Variants in TTC34 observed in about 807,000 individuals in gnomAD.
TTC34 encodes the protein tetratricopeptide repeat domain 34.
Under a neutral mutation model 40.7 loss-of-function variants are expected in TTC34, and 44 were observed. That is an observed-to-expected ratio of 1.08 (90% CI 0.85 to 1.39). The LOEUF (loss-of-function observed/expected upper bound fraction) is 1.39, where lower values mean the gene tolerates loss of function less well. TTC34 is among the 40% of genes most tolerant of loss of function. TTC34 has a pLI of 0.00. For missense variants in TTC34, 884 were observed against 838.0 expected (o/e 1.05, Z -0.68); for synonymous variants, 422 against 398.6 (o/e 1.06, Z -0.70).
At position 2,760,483 on chromosome 1, in the gene TTC34, A is replaced by T. The variant is rs1477731618; in HGVS notation, c.2226+23126T>A. On this transcript the variant is annotated intron_variant, in intron 6 of 8. Transcript: ENST00000401095. ...TCTGACAGCCTGGAACACCACCCAC[A>T]TCCGCAGGTGAGCATCTGACAGCCT... is the stretch of plus-strand genomic sequence containing the variant. Among the ~76,000 whole-genome samples the T allele has an allele frequency of 9.5e-5, 5 of 52,832 alleles. 2 individuals carry two copies. The highest frequency in any genetic ancestry group is 1.5e-4 in the Non-Finnish European group (5 of 34,144). The allele number at this position is 52,832 out of a possible 152,430, so 34.7% of individuals were successfully genotyped here. A position where few individuals can be genotyped will look rare whatever the true frequency, so the allele number is the denominator to read the frequency against.
chr1:2,784,568 G>A (rs1347614293), intron 5 of TTC34, among the ~76,000 whole-genome samples: 1 of 152,240 alleles, frequency 6.6e-6, no homozygotes, highest in East Asian at 1.9e-4. Context: ...AGACACTGGT[G>A]TTACCACTTG....
At chr1:2,677,650 C>A (rs1056928463) in intron 6 of TTC34, among the ~76,000 whole-genome samples, 5 of 126,886 alleles carry the variant, frequency 3.9e-5, no homozygotes, top group Admixed American at 7.8e-5. Flanking sequence ...AGCACACACA[C>A]CCCCAGGCGA....
Position 2,645,579 on chromosome 1 carries a change from GCGGGC to G in TTC34, c.2227-21_2227-17del. ...CCACGGCTTCCTGCAAGGAGGGAGG[GCGGGC>G]GGGTGCAGAGTTGTCCTAAGTAGAG... On this transcript the variant is annotated splice_polypyrimidine_tract_variant and intron_variant, in intron 6 of 8. Transcript: ENST00000401095. This position sits in a 1 kb window ranked among gnomAD's most constrained non-coding sequence, Gnocchi z 4.7. 11 of 1,428,474 alleles carry G rather than the reference GCGGGC, an allele frequency of 7.7e-6. No homozygotes were observed. The highest frequency in any genetic ancestry group is 5.9e-5 in the South Asian group (4 of 68,328). The allele number at this position is 1,428,474 out of a possible 1,614,324, so 88.5% of individuals were successfully genotyped here. A position where few individuals can be genotyped will look rare whatever the true frequency, so the allele number is the denominator to read the frequency against.
At chr1:2,657,618 C>A in intron 6 of TTC34, among the ~76,000 whole-genome samples, 2 of 97,172 alleles carry the variant, frequency 2.1e-5, no homozygotes, top group African/African-American at 3.1e-5. Context: ...GCAGCACCCA[C>A]ACCCCCAGGG....
At chr1:2,690,189 A>G (rs202214748) in intron 6 of TTC34, among the ~76,000 whole-genome samples, 10,073 of 73,918 alleles carry the variant, frequency 0.14, 18 homozygotes, top group Non-Finnish European at 0.19. Context: ...CCCACAGGTG[A>G]GCATCTGACA....
At chr1:2,688,330 C>A (rs1237955011) in intron 6 of TTC34, among the ~76,000 whole-genome samples, 1 of 150,550 alleles carries the variant, frequency 6.6e-6, no homozygotes, top group East Asian at 1.9e-4. Flanking sequence ...AACCCCACAC[C>A]CCCAGGTGAG....
At chr1:2,683,431 AC>A (rs1320536783) in intron 6 of TTC34, among the ~76,000 whole-genome samples, 1 of 128,466 alleles carries the variant, frequency 7.8e-6, no homozygotes, top group African/African-American at 3.1e-5. Context: ...ACCACCCTTC[AC>A]CCCCAGGTGA....
chr1:2,748,987 GA>G lies in TTC34; in HGVS notation c.2226+34621del, dbSNP rs1569684570. Among the ~76,000 whole-genome samples the G allele has an allele frequency of 2.2e-4, 21 of 94,948 alleles. 2 individuals are homozygous for G. The East Asian group carries it at 5.9e-3, about 27-fold the overall frequency. The allele number at this position is 94,948 out of a possible 152,430, so 62.3% of individuals were successfully genotyped here. On this transcript the variant is annotated intron_variant, in intron 6 of 8. Transcript: ENST00000401095. ...CCCCAGGTGAGCATCTGACGGCCTG[GA>G]ACAGCACCCACACGCCCAGGTGAGC...
intron 6 of TTC34, among the ~76,000 whole-genome samples, chr1:2,777,693 G>A (rs951695179): frequency 8.6e-5 from 13 of 151,940 alleles, no homozygotes; most frequent in African/African-American, 3.1e-4. Flanking sequence ...GGGCATGGGG[G>A]GGGGGGCGCA....
At chr1:2,780,060 G>A (rs1015056811) in intron 6 of TTC34, among the ~76,000 whole-genome samples, 1 of 152,188 alleles carries the variant, frequency 6.6e-6, no homozygotes, top group African/African-American at 2.4e-5. Flanking sequence ...GTTGCAGTGA[G>A]CTGAGATCCC....
At chr1:2,656,019 C>T (rs1451448667) in intron 6 of TTC34, among the ~76,000 whole-genome samples, 2 of 34,662 alleles carry the variant, frequency 5.8e-5, no homozygotes, top group Admixed American at 2.7e-4. Context: ...CCACACCTCC[C>T]GGCGAGCATC....
intron 6 of TTC34, among the ~76,000 whole-genome samples, chr1:2,685,213 C>T (rs1570810156): frequency 7.3e-6 from 1 of 137,236 alleles, no homozygotes; most frequent in South Asian, 2.5e-4. Context: ...AGGTGAGCAT[C>T]TGACATCGTG....
Position 2,783,761 on chromosome 1 carries a change from C to T in TTC34, c.2074G>A (p.Glu692Lys), listed in dbSNP as rs1039066083. ...CAGCGGGCTCGGGCAAGGAGGGACT[C>T]ACTTGCCTGGCTTCCTGCAGGAAGA... is the stretch of plus-strand genomic sequence containing the variant. Residue 692 changes from glutamate (E) to lysine (K), a missense_variant, in exon 6 of 9, where the codon GAG (glutamate) becomes AAG (lysine). Transcript: ENST00000401095. The T allele has an allele frequency of 2.1e-5, 32 of 1,514,916 alleles. No homozygotes were observed. The Middle Eastern group carries it at 1.4e-3, about 65-fold the overall frequency. 93.8% of individuals were successfully genotyped at this position (1,514,916 alleles called of 1,614,324 possible).
intron 8 of TTC34, among the ~76,000 whole-genome samples, chr1:2,643,937 G>A (rs1040437709): frequency 3.3e-5 from 5 of 152,248 alleles, no homozygotes; most frequent in African/African-American, 7.2e-5. Context: ...ATGGGTTTGG[G>A]GTGGGCTTCC....
intron 6 of TTC34, among the ~76,000 whole-genome samples, chr1:2,695,122 GAGCATCTGA>G (rs1455755159): frequency 1.3e-4 from 16 of 126,538 alleles, no homozygotes; most frequent in East Asian, 2.4e-4. Context: ...ACGCCAAGAT[GAGCATCTGA>G]CAGCGTGGAA....
Position 2,800,222 on chromosome 1 carries a change from C to T in TTC34, c.606G>A (p.Gly202=), listed in dbSNP as rs182625474. ...CGGTCTCCTGCTGGCCGGCACTGTG[C>T]CCAGCCTCCGGGTGCCCCGAGAGGT... is the stretch of plus-strand genomic sequence containing the variant. The change falls in exon 2 of 9, where the codon GGG becomes GGA. Residue 202 remains glycine, a synonymous_variant. Transcript: ENST00000401095. The T allele has an allele frequency of 3.7e-3, 1,478 of 398,504 alleles. 13 individuals carry two copies. Among genetic ancestry groups the T allele is most frequent in the Middle Eastern group, 0.02 (32 of 1,590 alleles). 24.7% of individuals were successfully genotyped at this position (398,504 alleles called of 1,614,324 possible).
intron 6 of TTC34, among the ~76,000 whole-genome samples, chr1:2,759,903 C>T (rs1257037284): frequency 1.6e-5 from 1 of 63,160 alleles, no homozygotes; most frequent in East Asian, 4.8e-4. Flanking sequence ...ATCTGACAGC[C>T]TGGAACATCA....
At position 2,641,403 on chromosome 1, in the gene TTC34, G is replaced by A. The variant is rs764511411; in HGVS notation, c.3205C>T (p.Arg1069Trp). The change falls in exon 9 of 9, where the codon CGG becomes TGG. Residue 1069 changes from arginine (R) to tryptophan (W), a missense_variant. Coordinates refer to ENST00000401095, the Ensembl canonical transcript of TTC34. ...CAGCAGCCTGAGGATGCCTCCCTCC[G>A]GATTCTGGCCTTCAGTCTCTTCAGG... 59 of 1,527,978 alleles carry A rather than the reference G, an allele frequency of 3.9e-5. No individual in the cohort carries two copies. The highest frequency in any genetic ancestry group is 4.6e-5 in the Non-Finnish European group (53 of 1,141,876). The allele number at this position is 1,527,978 out of a possible 1,614,324, so 94.7% of individuals were successfully genotyped here.
chr1:2,657,355 C>G (rs1639383645), intron 6 of TTC34, among the ~76,000 whole-genome samples: 1 of 97,406 alleles, frequency 1.0e-5, no homozygotes, highest in Admixed American at 9.9e-5. Flanking sequence ...AGGTGAGCAT[C>G]TGACAACTTG....
Sources: gnomAD v4.1 joint callset for allele counts (sites outside exome capture counted in the v4.1 genomes callset) on GRCh38, gnomAD v4.1.1 for gene constraint, Gnocchi (gnomAD v3.1) non-coding constraint, MANE v1.5 for transcripts, NCBI Gene and HGNC (gene_info 2026-07-23, HGNC 2026-07-21) for gene names.